Variants in ZNF385D observed in about 807,000 individuals in gnomAD.
The protein encoded by ZNF385D is zinc finger protein 385D.
In ZNF385D, 15 loss-of-function variants were observed where a neutral mutation model predicts 35.8. The ratio of observed to expected loss-of-function variants is 0.42; its 90% CI spans 0.28 to 0.64. The LOEUF (loss-of-function observed/expected upper bound fraction) is 0.64. Ranked by LOEUF, ZNF385D falls within the 30% of genes least tolerant of loss-of-function variation. The probability of loss-of-function intolerance (pLI) is 0.23; values close to 1 mark genes in which losing one functional copy is unlikely to be tolerated. For synonymous variants in ZNF385D, 212 were observed against 186.8 expected (o/e 1.13, Z -1.10); for missense variants, 474 against 494.6 (o/e 0.96, Z 0.39).
rs559693356 is a variant in ZNF385D at position 22,275,559 on chromosome 3, T to G, written c.106+96891A>C. Among the ~76,000 whole-genome samples, 21 of 152,284 alleles carry G rather than the reference T, an allele frequency of 1.4e-4. 1 individual carries two copies. The South Asian group carries it at 4.4e-3, about 32-fold the overall frequency. ...TAATCCTGGAGTCATAGACTTTGCT[T>G]ACCATTTAAAAAGTTAAAATCTAGG... On this transcript the variant is annotated intron_variant, in intron 2 of 5. Coordinates refer to the ZNF385D transcript ENST00000494108.
chr3:21,918,436 G>A (rs1203118941), intron 3 of ZNF385D, among the ~76,000 whole-genome samples: 1 of 129,742 alleles, frequency 7.7e-6, no homozygotes. Flanking sequence ...GGACTTTTAA[G>A]TGAAGAGTTT....
intron 5 of ZNF385D, among the ~76,000 whole-genome samples, chr3:21,430,550 A>G (rs562101597): frequency 1.3e-5 from 2 of 152,248 alleles, no homozygotes; most frequent in African/African-American, 4.8e-5. Context: ...AGTGGAGACA[A>G]ATGTGAGAAC....
intron 3 of ZNF385D, among the ~76,000 whole-genome samples, chr3:21,971,033 T>C (rs1412618826): frequency 6.6e-6 from 1 of 152,086 alleles, no homozygotes; most frequent in Non-Finnish European, 1.5e-5. Flanking sequence ...AGGGATTTTA[T>C]CAACACGAGA....
In ZNF385D at chr3:22,317,280, CAAAAAAAAAAAAA is replaced by C. The variant is rs59675675; in HGVS notation, c.106+55157_106+55169del. Among the ~76,000 whole-genome samples, 8 of 26,102 alleles carry C rather than the reference CAAAAAAAAAAAAA, an allele frequency of 3.1e-4. No homozygotes were observed. The South Asian group carries it at 9.1e-3, about 30-fold the overall frequency. The allele number at this position is 26,102 out of a possible 152,430, so 17.1% of individuals were successfully genotyped here. ...GGAAACAAGAGTGAAACTCCATCTCCAAAAAAAAAAAAAAAAAAAAAAAAAGGAAAAAATAAAA... is the reference window on the plus strand; with the variant it reads ...GGAAACAAGAGTGAAACTCCATCTCCAAAAAAAAAAAAGGAAAAAATAAAA... On this transcript the variant is annotated intron_variant, in intron 2 of 5. Coordinates refer to the ZNF385D transcript ENST00000494108.
intron 3 of ZNF385D, among the ~76,000 whole-genome samples, chr3:22,026,830 G>C (rs975750212): frequency 6.6e-6 from 1 of 152,190 alleles, no homozygotes; most frequent in African/African-American, 2.4e-5. Context: ...ATGCAAGGGT[G>C]GTGATTCCCA....
At chr3:21,471,335 A>ACC (rs1703889931) in intron 4 of ZNF385D, among the ~76,000 whole-genome samples, 6 of 118,996 alleles carry the variant, frequency 5.0e-5, no homozygotes, top group Admixed American at 4.0e-4. Context: ...ACACACACAC[A>ACC]CCTTGGTGAT....
Position 21,419,668 on chromosome 3 carries a change from T to G in ZNF385D, c.*1546A>C, listed in dbSNP as rs1700656557. ...CTGGCTGCATCAAACCCCACCATTT[T>G]GATAGGTATATGTCAGCTTTCTATG... On this transcript the variant is annotated 3_prime_UTR_variant, in exon 8 of 8. Coordinates refer to ENST00000281523, the MANE Select transcript of ZNF385D (RefSeq NM_024697.3). 1 of 152,166 alleles carries G rather than the reference T, an allele frequency of 6.6e-6. No homozygotes were observed. Among genetic ancestry groups the G allele is most frequent in the Admixed American group, 6.5e-5 (1 of 15,274 alleles). 9.4% of individuals were successfully genotyped at this position (152,166 alleles called of 1,614,324 possible).
chr3:22,287,259 C>G (rs1203653068), intron 2 of ZNF385D, among the ~76,000 whole-genome samples: 1 of 151,750 alleles, frequency 6.6e-6, no homozygotes, highest in Non-Finnish European at 1.5e-5. Flanking sequence ...TTTATTTGTC[C>G]TCAAAGGAGA....
intron 1 of ZNF385D, among the ~76,000 whole-genome samples, chr3:21,674,712 G>C (rs544768038): frequency 3.9e-5 from 6 of 152,088 alleles, no homozygotes; most frequent in African/African-American, 1.4e-4. Flanking sequence ...TCACTCCCTG[G>C]TGCCCTGCTC....
At chr3:21,679,053 C>T (rs1365734734) in intron 1 of ZNF385D, among the ~76,000 whole-genome samples, 1 of 150,718 alleles carries the variant, frequency 6.6e-6, no homozygotes, top group Non-Finnish European at 1.5e-5. Context: ...TTCCCTTTTG[C>T]AAACTTCTAC....
At chr3:21,923,697 T>G (rs1700587804) in intron 3 of ZNF385D, among the ~76,000 whole-genome samples, 1 of 152,172 alleles carries the variant, frequency 6.6e-6, no homozygotes, top group Non-Finnish European at 1.5e-5. Flanking sequence ...CAAAATTATG[T>G]TCTTTGCAGC....
chr3:21,709,690 G>A (rs2068032346), intron 1 of ZNF385D, among the ~76,000 whole-genome samples: 2 of 152,170 alleles, frequency 1.3e-5, no homozygotes, highest in East Asian at 1.9e-4. Context: ...TAAGAGGGAC[G>A]CCTCTATATG....
chr3:21,561,734 T>C (rs1159384942), intron 3 of ZNF385D, among the ~76,000 whole-genome samples: 1 of 152,088 alleles, frequency 6.6e-6, no homozygotes, highest in Non-Finnish European at 1.5e-5. Context: ...ACACACAACG[T>C]TTATTAATTA....
At chr3:22,307,535 C>T (rs1479438901) in intron 2 of ZNF385D, among the ~76,000 whole-genome samples, 2 of 152,100 alleles carry the variant, frequency 1.3e-5, no homozygotes, top group African/African-American at 2.4e-5. Context: ...CACACGTACA[C>T]ATGCCATTTC....
At chr3:21,557,677 AAAT>A (rs1167708067) in intron 3 of ZNF385D, among the ~76,000 whole-genome samples, 1 of 152,142 alleles carries the variant, frequency 6.6e-6, no homozygotes. Context: ...TGGCCTCATA[AAAT>A]AAGTTAGGGA....
intron 3 of ZNF385D, among the ~76,000 whole-genome samples, chr3:22,046,858 A>T (rs530541672): frequency 6.6e-6 from 1 of 152,284 alleles, no homozygotes; most frequent in South Asian, 2.1e-4. Flanking sequence ...TGTGGAATTC[A>T]TTTCATCAAC....
intron 2 of ZNF385D, among the ~76,000 whole-genome samples, chr3:22,317,280 C>CAAAAAAAAAA (rs59675675): frequency 7.7e-5 from 2 of 26,098 alleles, no homozygotes; most frequent in Non-Finnish European, 1.3e-4. Context: ...ACTCCATCTC[C>CAAAAAAAAAA]AAAAAAAAAA....
intron 4 of ZNF385D, among the ~76,000 whole-genome samples, chr3:21,503,381 A>T (rs1362691557): frequency 6.6e-6 from 1 of 152,184 alleles, no homozygotes; most frequent in Non-Finnish European, 1.5e-5. Context: ...CTCTAAGTCA[A>T]GAAAAGCAAA....
intron 2 of ZNF385D, among the ~76,000 whole-genome samples, chr3:22,322,576 C>T (rs1323415458): frequency 6.6e-6 from 1 of 152,176 alleles, no homozygotes; most frequent in African/African-American, 2.4e-5. Context: ...TTAACCTGCC[C>T]AATCAGTGAT....
Sources: gnomAD v4.1 joint callset for allele counts (sites outside exome capture counted in the v4.1 genomes callset) on GRCh38, gnomAD v4.1.1 for gene constraint, MANE v1.5 for transcripts, NCBI Gene and HGNC (gene_info 2026-07-23, HGNC 2026-07-21) for gene names.